The following PRR7 variants were observed in gnomAD, a reference collection of about 807,000 sequenced individuals.
The protein encoded by PRR7 is proline-rich protein 7.
A neutral mutation model predicts 18.5 loss-of-function variants in PRR7; 8 were observed. The observed-to-expected ratio is 0.43, with a 90% CI of 0.25 to 0.78. The LOEUF is 0.78. PRR7 is among the 30% of genes least tolerant of loss of function. PRR7 has a pLI of 0.22. For missense variants in PRR7, 396 were observed against 403.1 expected, an observed-to-expected ratio of 0.98 and a Z score of 0.15; for synonymous variants, 221 against 187.7, an observed-to-expected ratio of 1.18 and a Z score of -1.45.
chr5:177,455,591 C>G lies in PRR7; in HGVS notation c.427+97C>G. The G allele has an allele frequency of 2.1e-6, 3 of 1,407,508 alleles. No individual in the cohort carries two copies. The highest frequency in any genetic ancestry group is 2.8e-6 in the Non-Finnish European group (3 of 1,084,558). 87.2% of individuals were successfully genotyped at this position (1,407,508 alleles called of 1,614,324 possible). On this transcript the variant is annotated intron_variant, in intron 3 of 3. Transcript: ENST00000323249. This position sits in a 1 kb window ranked among gnomAD's most constrained non-coding sequence, Gnocchi z 6.9. ...TACCCTCAGGGCTTCCATCCGCAGCCTCCGGGAGAACACGGGCGGCGGCGG... is the reference window on the plus strand; with the variant it reads ...TACCCTCAGGGCTTCCATCCGCAGCGTCCGGGAGAACACGGGCGGCGGCGG...
At position 177,455,638 on chromosome 5, in the gene PRR7, G is replaced by A; in HGVS notation, c.428-86G>A. The stretch of plus-strand genomic sequence containing the variant: ...GCGGGCTCGGGTTCGGGCTAGGGCT[G>A]GGGCGCGGGCGGCCCCTGGCCGGGG... On this transcript the variant is annotated intron_variant, in intron 3 of 3. Coordinates refer to ENST00000323249, the MANE Select transcript of PRR7 (RefSeq NM_030567.5). The surrounding 1 kb of genome is among the most constrained non-coding windows in gnomAD (Gnocchi z 6.9). 1 of 1,423,702 alleles carries A rather than the reference G, an allele frequency of 7.0e-7. No individual in the cohort carries two copies. Among genetic ancestry groups the A allele is most frequent in the South Asian group, 1.5e-5 (1 of 68,332 alleles). The allele number at this position is 1,423,702 out of a possible 1,614,324, so 88.2% of individuals were successfully genotyped here. A position where few individuals can be genotyped will look rare whatever the true frequency, so the allele number is the denominator to read the frequency against.
At chr5:177,448,406 A>G (rs1455665534) in intron 1 of PRR7, 1 of 152,116 alleles carries the variant, frequency 6.6e-6, no homozygotes, top group African/African-American at 2.4e-5. Context: ...CAGTTGCGCA[A>G]GGTAAGTTTA....
At chr5:177,446,752 G>C (rs1378717601), upstream of PRR7, 2 of 151,156 alleles carry the variant, frequency 1.3e-5, no homozygotes, top group African/African-American at 4.8e-5. The surrounding 1 kb of genome is among the most constrained non-coding windows in gnomAD (Gnocchi z 5.3). Context: ...CGGCTGCCGC[G>C]CGCGCGCACG....
At chr5:177,453,143 G>C (rs1034725284) in intron 1 of PRR7, among the ~76,000 whole-genome samples, 3 of 152,236 alleles carry the variant, frequency 2.0e-5, no homozygotes, top group African/African-American at 7.2e-5. Flanking sequence ...AGACAAGGTG[G>C]TGTTGAAGAG....
chr5:177,455,778 AGCC>A lies in PRR7; in HGVS notation c.492_494del (p.Pro165del). On this transcript the variant is annotated inframe_deletion, in exon 4 of 4. Coordinates refer to ENST00000323249, the MANE Select transcript of PRR7 (RefSeq NM_030567.5). This position sits in a 1 kb window ranked among gnomAD's most constrained non-coding sequence, Gnocchi z 6.9. ...TACGAAGAGGCGGTGCTGATGGCAG[AGCC>A]GCCGCCGCCCTATAGCGAGGTGCTC... The A allele has an allele frequency of 6.2e-7, 1 of 1,610,100 alleles. No homozygotes were observed. Among genetic ancestry groups the A allele is most frequent in the Non-Finnish European group, 8.5e-7 (1 of 1,178,844 alleles).
rs180693627 is a variant in PRR7, at chr5:177,450,470, G to A, written c.-324-3486G>A. On this transcript the variant is annotated intron_variant, in intron 1 of 3. Coordinates refer to ENST00000323249, the MANE Select transcript of PRR7 (RefSeq NM_030567.5). The surrounding 1 kb of genome is among the most constrained non-coding windows in gnomAD (Gnocchi z 6.6). ...TTTGGTGAATGGCTGACATTTCCCA[G>A]GAATGAATTGGACACAGAGCCAGCC... Among the ~76,000 whole-genome samples the A allele has an allele frequency of 1.2e-4, 18 of 152,324 alleles. No homozygotes were observed. In the East Asian group the frequency reaches 3.5e-3, roughly 29 times the overall value.
chr5:177,455,398 G>GCGCACGCGCACC lies in PRR7; in HGVS notation c.333_344dup (p.Ala113_His116dup). The GCGCACGCGCACC allele has an allele frequency of 1.3e-6, 2 of 1,493,262 alleles. No individual in the cohort carries two copies. Among genetic ancestry groups the GCGCACGCGCACC allele is most frequent in the South Asian group, 2.5e-5 (2 of 79,918 alleles). 92.5% of individuals were successfully genotyped at this position (1,493,262 alleles called of 1,614,324 possible). The stretch of plus-strand genomic sequence containing the variant: ...GCACCACGGGCCCGCGCAGCCGCAC[G>GCGCACGCGCACC]CGCACGCGCACCCACACCCGCACCA... On this transcript the variant is annotated inframe_insertion, in exon 3 of 4. Transcript: ENST00000323249. The surrounding 1 kb of genome is among the most constrained non-coding windows in gnomAD (Gnocchi z 6.9).
In PRR7 at chr5:177,455,273, C is replaced by A. The variant is rs1293259734; in HGVS notation, c.206C>A (p.Pro69His). 9 of 1,521,792 alleles carry A rather than the reference C, an allele frequency of 5.9e-6. No homozygotes were observed. The highest frequency in any genetic ancestry group is 7.0e-6 in the Non-Finnish European group (8 of 1,143,362). The allele number at this position is 1,521,792 out of a possible 1,614,324, so 94.3% of individuals were successfully genotyped here. ...CTCGAGGGCAGTCTGGCCGGGAGCCCCCCGGGCCTGGCGCCGCCGCAGCCA... is the reference window on the plus strand; with the variant it reads ...CTCGAGGGCAGTCTGGCCGGGAGCCACCCGGGCCTGGCGCCGCCGCAGCCA... ...LELEGSLAGSPPGLAPPQPPP... is the reference protein window; with the variant it reads ...LELEGSLAGSHPGLAPPQPPP... The change falls in exon 3 of 4, where the codon CCC becomes CAC. Residue 69 changes from proline (P) to histidine (H), a missense_variant. Physicochemically the swap from Pro to His is moderately conservative, Grantham distance 77 (BLOSUM62 -2). Around this residue, in one of 2 missense-constraint regions of PRR7, gnomAD observed 383 missense variants for 372.6 expected, o/e 1.03. Transcript: ENST00000323249. The surrounding 1 kb of genome is among the most constrained non-coding windows in gnomAD (Gnocchi z 6.9).
At chr5:177,448,074 C>A (rs1324001853) in intron 1 of PRR7, among the ~76,000 whole-genome samples, 1 of 152,200 alleles carries the variant, frequency 6.6e-6, no homozygotes, top group Non-Finnish European at 1.5e-5. Context: ...AGAGAAATGG[C>A]CCTCCTGCCA....
intron 1 of PRR7, among the ~76,000 whole-genome samples, chr5:177,448,559 C>G (rs1163485109): frequency 6.6e-6 from 1 of 152,212 alleles, no homozygotes. Context: ...TGCCTGCTAG[C>G]TAACTTCTCT....
At position 177,454,777 on chromosome 5, in the gene PRR7, A is replaced by C; in HGVS notation, c.-239-52A>C. The C allele has an allele frequency of 7.7e-5, 14 of 181,702 alleles. No homozygotes were observed. Among genetic ancestry groups the C allele is most frequent in the East Asian group, 1.4e-4 (1 of 7,044 alleles). 11.3% of individuals were successfully genotyped at this position (181,702 alleles called of 1,614,324 possible). ...CGCAGGGCGCGGGCGGGGGCCGGGA[A>C]GTCGTTGGGGGCCGCGGCGCGCCTT... is the stretch of plus-strand genomic sequence containing the variant. On this transcript the variant is annotated intron_variant, in intron 2 of 3. Transcript: ENST00000323249. This position sits in a 1 kb window ranked among gnomAD's most constrained non-coding sequence, Gnocchi z 4.7.
Position 177,455,899 on chromosome 5 carries a change from C to T in PRR7, c.603C>T (p.Tyr201=). The T allele has an allele frequency of 6.2e-7, 1 of 1,609,936 alleles. No individual in the cohort carries two copies. The highest frequency in any genetic ancestry group is 8.5e-7 in the Non-Finnish European group (1 of 1,179,450). ...AGCAGGAGCAGCCGCCTCCCAGCTACAAGCCGCTCTTCCTGGACCGGGGCT... is the reference window on the plus strand; with the variant it reads ...AGCAGGAGCAGCCGCCTCCCAGCTATAAGCCGCTCTTCCTGGACCGGGGCT... ...AEKQEQPPPS[Y]KPLFLDRGYT... Residue 201 remains tyrosine (Y), a synonymous_variant, in exon 4 of 4, where the codon TAC becomes TAT. Coordinates refer to ENST00000323249, the MANE Select transcript of PRR7 (RefSeq NM_030567.5). The surrounding 1 kb of genome is among the most constrained non-coding windows in gnomAD (Gnocchi z 6.9).
chr5:177,456,223 G>T lies in PRR7; in HGVS notation c.*102G>T. ...TGCGGGGAGGGGCGGGGGGAGGGAG[G>T]GATTTCTTATCCCGTTTGTTACATT... is the stretch of plus-strand genomic sequence containing the variant. On this transcript the variant is annotated 3_prime_UTR_variant, in exon 4 of 4. Transcript: ENST00000323249. The T allele has an allele frequency of 9.3e-7, 1 of 1,070,760 alleles. No homozygotes were observed. Among genetic ancestry groups the T allele is most frequent in the Non-Finnish European group, 1.3e-6 (1 of 787,894 alleles). 66.3% of individuals were successfully genotyped at this position (1,070,760 alleles called of 1,614,324 possible). A position where few individuals can be genotyped will look rare whatever the true frequency, so the allele number is the denominator to read the frequency against.
rs755452368 is a variant in PRR7, at chr5:177,455,398, G to GCGCACGCGCACCCACACC, written c.337_354dup (p.Ala113_His118dup). ...GCACCACGGGCCCGCGCAGCCGCAC[G>GCGCACGCGCACCCACACC]CGCACGCGCACCCACACCCGCACCA... is the stretch of plus-strand genomic sequence containing the variant. On this transcript the variant is annotated inframe_insertion, in exon 3 of 4. Transcript: ENST00000323249. This position sits in a 1 kb window ranked among gnomAD's most constrained non-coding sequence, Gnocchi z 6.9. The GCGCACGCGCACCCACACC allele has an allele frequency of 5.9e-4, 887 of 1,493,254 alleles. No homozygotes were observed. The highest frequency in any genetic ancestry group is 7.1e-4 in the Non-Finnish European group (805 of 1,128,022). 92.5% of individuals were successfully genotyped at this position (1,493,254 alleles called of 1,614,324 possible).
At chr5:177,452,013 T>C (rs1756188066) in intron 1 of PRR7, among the ~76,000 whole-genome samples, 1 of 152,208 alleles carries the variant, frequency 6.6e-6, no homozygotes, top group African/African-American at 2.4e-5. Flanking sequence ...AGGGTCTCGC[T>C]TTCATCCCCC....
In PRR7 at chr5:177,455,895, G is replaced by A. The variant is rs1449388801; in HGVS notation, c.599G>A (p.Ser200Asn). 6.2e-6 allele frequency: 10 copies of A among 1,609,712 alleles called. No individual in the cohort carries two copies. Among genetic ancestry groups the A allele is most frequent in the South Asian group, 5.5e-5 (5 of 91,004 alleles). Residue 200 changes from serine (S) to asparagine (N), a missense_variant, in exon 4 of 4, where the codon AGC becomes AAC. Coordinates refer to ENST00000323249, the MANE Select transcript of PRR7 (RefSeq NM_030567.5). The surrounding 1 kb of genome is among the most constrained non-coding windows in gnomAD (Gnocchi z 6.9). The stretch of plus-strand genomic sequence containing the variant: ...GAGAAGCAGGAGCAGCCGCCTCCCA[G>A]CTACAAGCCGCTCTTCCTGGACCGG... ...SAEKQEQPPP[S>N]YKPLFLDRGY...
In PRR7 at chr5:177,455,425, C is replaced by T. The variant is rs1486870757; in HGVS notation, c.358C>T (p.His120Tyr). 6 of 1,505,940 alleles carry T rather than the reference C, an allele frequency of 4.0e-6. No homozygotes were observed. The highest frequency in any genetic ancestry group is 5.3e-6 in the Non-Finnish European group (6 of 1,134,878). 93.3% of individuals were successfully genotyped at this position (1,505,940 alleles called of 1,614,324 possible). A position where few individuals can be genotyped will look rare whatever the true frequency, so the allele number is the denominator to read the frequency against. The change falls in exon 3 of 4, where the codon CAC (histidine) becomes TAC (tyrosine). Residue 120 changes from histidine (H) to tyrosine (Y), a missense_variant. By Grantham distance (83) the His-to-Tyr change is moderately conservative. Transcript: ENST00000323249. The surrounding 1 kb of genome is among the most constrained non-coding windows in gnomAD (Gnocchi z 6.9). Reference sequence around the variant, plus strand: ...GCACGCGCACCCACACCCGCACCACCACGCGCTCCCGCACCCGCCGCCTAC... The same window carrying T: ...GCACGCGCACCCACACCCGCACCACTACGCGCTCCCGCACCCGCCGCCTAC... ...HAHAHPHPHH[H>Y]ALPHPPPTHL...
rs1581708945 is a variant in PRR7 at position 177,456,202 on chromosome 5, G to C, written c.*81G>C. On this transcript the variant is annotated 3_prime_UTR_variant, in exon 4 of 4. Coordinates refer to ENST00000323249, the MANE Select transcript of PRR7 (RefSeq NM_030567.5). ...TTTTTAAATGCTTCCCTGGACTGCG[G>C]GGAGGGGCGGGGGGAGGGAGGGATT... The C allele has an allele frequency of 2.1e-5, 20 of 972,690 alleles. No individual in the cohort carries two copies. The East Asian group carries it at 6.1e-4, about 30-fold the overall frequency. 60.3% of individuals were successfully genotyped at this position (972,690 alleles called of 1,614,324 possible). A position where few individuals can be genotyped will look rare whatever the true frequency, so the allele number is the denominator to read the frequency against.
chr5:177,455,725 G>A lies in PRR7; in HGVS notation c.429G>A (p.Ala143=). The change falls in exon 4 of 4, where the codon GCG becomes GCA. Residue 143 remains alanine, a splice_region_variant and synonymous_variant. Transcript: ENST00000323249. This position sits in a 1 kb window ranked among gnomAD's most constrained non-coding sequence, Gnocchi z 6.9. ...PPRPWSYPRQ[A]ESDMSKPPCY... The stretch of plus-strand genomic sequence containing the variant: ...CTCCGACCGCCTCCCACTCCGCAGC[G>A]GAATCGGACATGTCCAAACCACCGT... The A allele has an allele frequency of 1.3e-6, 2 of 1,579,998 alleles. No homozygotes were observed. The highest frequency in any genetic ancestry group is 8.6e-7 in the Non-Finnish European group (1 of 1,159,844).
Sources: gnomAD v4.1 joint callset for allele counts (sites outside exome capture counted in the v4.1 genomes callset) on GRCh38, gnomAD v4.1.1 for gene constraint, gnomAD v4.1.1 regional missense constraint, Gnocchi (gnomAD v3.1) non-coding constraint, MANE v1.5 for transcripts, NCBI Gene and HGNC (gene_info 2026-07-23, HGNC 2026-07-21) for gene names.